Variants in ARMC9 observed in about 807,000 individuals in gnomAD.
The protein encoded by ARMC9 is lisH domain-containing protein ARMC9.
A neutral mutation model predicts 107.0 loss-of-function variants in ARMC9; 94 were observed. The ratio of observed to expected loss-of-function variants is 0.88; its 90% CI spans 0.74 to 1.04. The LOEUF is 1.04. ARMC9 is among the 50% of genes least tolerant of loss of function. The pLI, the probability that ARMC9 is intolerant of heterozygous loss-of-function variation, is 0.00. For missense variants in ARMC9, 942 were observed against 1,030.1 expected (o/e 0.91, Z 1.17); for synonymous variants, 380 against 396.9 (o/e 0.96, Z 0.51).
chr2:231,282,210 G>T, intron 17 of ARMC9, 77 bp downstream of exon 17: 1 of 1,438,376 alleles, frequency 7.0e-7, no homozygotes, highest in Non-Finnish European at 9.8e-7. Flanking sequence ...AGACCTCCTT[G>T]ATTGGGCTCC....
Position 231,255,971 on chromosome 2 carries a change from C to T in ARMC9, c.880-615C>T, listed in dbSNP as rs2037746931. On this transcript the variant is annotated intron_variant, in intron 9 of 24. Coordinates refer to ENST00000611582, the MANE Select transcript of ARMC9 (RefSeq NM_001352754.2). The surrounding 1 kb of genome is among the most constrained non-coding windows in gnomAD (Gnocchi z 4.7). ...AGGAGAATGGCGTGAACCCGGTAGG[C>T]GGAGGTTGCGGTGAGCCAAGATTGC... 3.4e-6 allele frequency: 3 copies of T among 887,360 alleles called. No individual in the cohort carries two copies. The highest frequency in any genetic ancestry group is 2.8e-5 in the Admixed American group (1 of 35,260). 55.0% of individuals were successfully genotyped at this position (887,360 alleles called of 1,614,324 possible).
Position 231,276,782 on chromosome 2 carries a change from G to A in ARMC9, c.1474+7G>A. 6.2e-7 allele frequency: 1 copy of A among 1,613,720 alleles called. No individual in the cohort carries two copies. Among genetic ancestry groups the A allele is most frequent in the Non-Finnish European group, 8.5e-7 (1 of 1,179,844 alleles). On this transcript the variant is annotated splice_region_variant and intron_variant, in intron 15 of 24. Coordinates refer to ENST00000611582, the MANE Select transcript of ARMC9 (RefSeq NM_001352754.2). The stretch of plus-strand genomic sequence containing the variant: ...CTCTGCCTCCGCAGCACAGGTCTCA[G>A]CCCCGACCCTCATTCTAGTGCAAGA...
chr2:231,214,280 C>CTGA (rs1311378731), intron 3 of ARMC9, among the ~76,000 whole-genome samples: 1 of 152,218 alleles, frequency 6.6e-6, no homozygotes, highest in Non-Finnish European at 1.5e-5. Flanking sequence ...TGGTGGCTTC[C>CTGA]TTCAGCTCCA....
At position 231,302,433 on chromosome 2, in the gene ARMC9, G is replaced by GTTTTTTTTTTTTTTTTTTTTTTTTTTTTT. The variant is rs1322418026; in HGVS notation, c.1773+6183_1773+6184insTTTTTTTTTTTTTTTTTTTTTTTTTTTTT. On this transcript the variant is annotated intron_variant, in intron 19 of 24. Transcript: ENST00000611582. ...TTTATGAAAAAGTGTAGCATTGTGG[G>GTTTTTTTTTTTTTTTTTTTTTTTTTTTTT]TTTGTTTTTTTTTTTTTTTTTTTTT... is the stretch of plus-strand genomic sequence containing the variant. Among the ~76,000 whole-genome samples, 7 of 96,448 alleles carry GTTTTTTTTTTTTTTTTTTTTTTTTTTTTT rather than the reference G, an allele frequency of 7.3e-5. 1 individual carries two copies. Among genetic ancestry groups the GTTTTTTTTTTTTTTTTTTTTTTTTTTTTT allele is most frequent in the African/African-American group, 1.9e-4 (5 of 26,560 alleles). The allele number at this position is 96,448 out of a possible 152,430, so 63.3% of individuals were successfully genotyped here. A position where few individuals can be genotyped will look rare whatever the true frequency, so the allele number is the denominator to read the frequency against.
chr2:231,346,681 A>G (rs2044831214), intron 21 of ARMC9, among the ~76,000 whole-genome samples: 1 of 152,200 alleles, frequency 6.6e-6, no homozygotes, highest in South Asian at 2.1e-4. Flanking sequence ...ACTTTTGCAC[A>G]TAACCCCACT....
Position 231,262,301 on chromosome 2 carries a change from T to C in ARMC9, c.1027-5T>C, listed in dbSNP as rs764854589. 2.5e-6 allele frequency: 4 copies of C among 1,614,036 alleles called. No individual in the cohort carries two copies. In the African/African-American group the frequency reaches 4.0e-5, roughly 16 times the overall value. On this transcript the variant is annotated splice_region_variant and splice_polypyrimidine_tract_variant and intron_variant, in intron 11 of 24. Transcript: ENST00000611582. ...TCTCACTACTTTTGTTTTTCTTTGC[T>C]CCAGCGCTTGACCACATCCCATCCT...
chr2:231,288,660 G>C (rs1391200649), intron 17 of ARMC9: 2 of 471,174 alleles, frequency 4.2e-6, no homozygotes, highest in Non-Finnish European at 8.8e-6. Context: ...TCCCTCAAAG[G>C]TCCCCTGAAG....
intron 21 of ARMC9, among the ~76,000 whole-genome samples, chr2:231,346,441 A>G (rs1197736476): frequency 6.6e-6 from 1 of 152,220 alleles, no homozygotes; most frequent in Non-Finnish European, 1.5e-5. Flanking sequence ...GAATGCCGTG[A>G]ACCCAGGAGG....
intron 19 of ARMC9, among the ~76,000 whole-genome samples, chr2:231,301,623 T>C (rs1203780751): frequency 6.6e-6 from 1 of 152,226 alleles, no homozygotes; most frequent in African/African-American, 2.4e-5. Flanking sequence ...TCATTACAAA[T>C]GTTTTAAAGA....
At chr2:231,325,356 T>A (rs1419463433) in intron 19 of ARMC9, among the ~76,000 whole-genome samples, 1 of 152,242 alleles carries the variant, frequency 6.6e-6, no homozygotes, top group Non-Finnish European at 1.5e-5. Flanking sequence ...TATGTACTTG[T>A]CCAGGATAAA....
intron 21 of ARMC9, 51 bp from the exon 22 acceptor site, chr2:231,355,747 C>G (rs776719984): frequency 2.0e-6 from 3 of 1,498,470 alleles, no homozygotes; most frequent in Admixed American, 4.1e-5. Context: ...GTCGGCAGTC[C>G]GAATCTCCTG....
Position 231,262,194 on chromosome 2 carries a change from G to C in ARMC9, c.1027-112G>C. 3 of 984,200 alleles carry C rather than the reference G, an allele frequency of 3.0e-6. No individual in the cohort carries two copies. In the Admixed American group the frequency reaches 5.6e-5, roughly 18 times the overall value. 61.0% of individuals were successfully genotyped at this position (984,200 alleles called of 1,614,324 possible). Reference sequence around the variant, plus strand: ...CCCCAAGCTGGATATTACTTATTTTGTTTGGTTAAATGTGTAGGTACTGAT... The same window carrying C: ...CCCCAAGCTGGATATTACTTATTTTCTTTGGTTAAATGTGTAGGTACTGAT... On this transcript the variant is annotated intron_variant, in intron 11 of 24. Transcript: ENST00000611582.
intron 9 of ARMC9, among the ~76,000 whole-genome samples, chr2:231,253,932 A>G (rs1355027899): frequency 2.6e-5 from 4 of 152,200 alleles, no homozygotes; most frequent in Non-Finnish European, 5.9e-5. Context: ...TAGTGTTCAC[A>G]TTCTAATTTA....
At chr2:231,301,083 C>T (rs2041695750) in intron 19 of ARMC9, among the ~76,000 whole-genome samples, 1 of 152,178 alleles carries the variant, frequency 6.6e-6, no homozygotes, top group East Asian at 1.9e-4. Context: ...GAGGTATGTA[C>T]TACACACAGA....
intron 13 of ARMC9, among the ~76,000 whole-genome samples, chr2:231,271,572 C>T (rs756685314): frequency 1.3e-5 from 2 of 152,150 alleles, no homozygotes; most frequent in Non-Finnish European, 1.5e-5. Flanking sequence ...TTGCAAAGTG[C>T]CATTATCTTC....
At chr2:231,325,679 A>G (rs1230659311) in intron 19 of ARMC9, among the ~76,000 whole-genome samples, 1 of 152,212 alleles carries the variant, frequency 6.6e-6, no homozygotes, top group African/African-American at 2.4e-5. Context: ...CATAAAATGC[A>G]CACACACCCT....
At chr2:231,323,159 A>G (rs1317456883) in intron 19 of ARMC9, among the ~76,000 whole-genome samples, 1 of 152,098 alleles carries the variant, frequency 6.6e-6, no homozygotes, top group Non-Finnish European at 1.5e-5. Context: ...ACTGCACTCC[A>G]ACGTGAGCTA....
intron 22 of ARMC9, among the ~76,000 whole-genome samples, chr2:231,356,694 G>C (rs2045357689): frequency 6.6e-6 from 1 of 152,100 alleles, no homozygotes; most frequent in African/African-American, 2.4e-5. Context: ...GCAACTCCTG[G>C]GTCTCTTGGT....
intron 7 of ARMC9, among the ~76,000 whole-genome samples, chr2:231,234,567 T>C (rs549527276): frequency 1.2e-4 from 19 of 152,320 alleles, no homozygotes; most frequent in African/African-American, 4.3e-4. Context: ...CAGGTTTGAT[T>C]CAGGCATTTT....
Sources: allele counts gnomAD v4.1 joint callset (sites outside exome capture counted in the v4.1 genomes callset), GRCh38; gene constraint gnomAD v4.1.1; non-coding constraint Gnocchi (gnomAD v3.1); transcripts MANE v1.5; gene names NCBI Gene and HGNC (gene_info 2026-07-23, HGNC 2026-07-21).